LOC400499: variants seen among roughly 807,000 people sequenced by gnomAD.
chr16:11,416,299 G>A, the LOC400499 span, among the ~76,000 whole-genome samples: 2 of 152,120 alleles, frequency 1.3e-5, no homozygotes, highest in African/African-American at 2.4e-5. Context: ...CTAGGGGACT[G>A]GGGAGTCCCC....
chr16:11,486,026 G>A, the LOC400499 span, among the ~76,000 whole-genome samples: 2 of 152,052 alleles, frequency 1.3e-5, no homozygotes, highest in African/African-American at 4.8e-5. Context: ...TGGGTGGGTG[G>A]TTTGGTAAAT....
the LOC400499 span, among the ~76,000 whole-genome samples, chr16:11,408,578 T>C: frequency 3.3e-5 from 5 of 150,974 alleles, no homozygotes; most frequent in Admixed American, 6.6e-5. Flanking sequence ...AATTCTTCCA[T>C]ACCTCAGCCT....
the LOC400499 span, among the ~76,000 whole-genome samples, chr16:11,413,937 G>A: frequency 1.3e-5 from 2 of 152,188 alleles, no homozygotes; most frequent in South Asian, 4.1e-4. Flanking sequence ...ACATCGGAGA[G>A]GGCCTTGGTA....
At chr16:11,373,161 G>A in the LOC400499 span, among the ~76,000 whole-genome samples, 18 of 152,320 alleles carry the variant, frequency 1.2e-4, no homozygotes, top group Non-Finnish European at 2.2e-4. Flanking sequence ...GGAGCTCACT[G>A]TGTGGGTGAG....
the LOC400499 span, among the ~76,000 whole-genome samples, chr16:11,459,299 C>A: frequency 6.7e-6 from 1 of 149,296 alleles, no homozygotes; most frequent in Non-Finnish European, 1.5e-5. Context: ...GGGGTTCAAG[C>A]CATTCTCCTG....
chr16:11,473,777 G>GAT, the LOC400499 span, among the ~76,000 whole-genome samples: 573 of 150,144 alleles, frequency 3.8e-3, 5 homozygotes, highest in African/African-American at 0.014. Context: ...AAAGTTATGC[G>GAT]ATATGTCAAT....
chr16:11,448,849 G>A, the LOC400499 span: 2 of 1,271,246 alleles, frequency 1.6e-6, no homozygotes, highest in South Asian at 2.1e-5. Context: ...TCCGAAGCAG[G>A]GAGAGAGGTA....
chr16:11,412,800 G>C, the LOC400499 span: 5 of 398,730 alleles, frequency 1.3e-5, no homozygotes, highest in Admixed American at 8.8e-5. Flanking sequence ...CCAGTCAATG[G>C]TTCCTCCCCC....
chr16:11,470,351 A>G, the LOC400499 span, among the ~76,000 whole-genome samples: 1 of 152,336 alleles, frequency 6.6e-6, no homozygotes, highest in South Asian at 2.1e-4. Flanking sequence ...CCAGAGGGGA[A>G]CACACTCTGC....
chr16:11,430,895 A>G, the LOC400499 span: 1 of 397,044 alleles, frequency 2.5e-6, no homozygotes. Flanking sequence ...AATCATCCAT[A>G]CCCCTTTATC....
At chr16:11,387,093 G>T in the LOC400499 span, 5 of 1,232,484 alleles carry the variant, frequency 4.1e-6, no homozygotes, top group Non-Finnish European at 5.1e-6. Flanking sequence ...GGGCGGCACA[G>T]CCCGGGGCAG....
the LOC400499 span, among the ~76,000 whole-genome samples, chr16:11,464,418 G>T: frequency 6.6e-6 from 1 of 152,212 alleles, no homozygotes; most frequent in African/African-American, 2.4e-5. Flanking sequence ...GGAACACTTT[G>T]CAGTTAAAGA....
At chr16:11,455,029 C>G in the LOC400499 span, among the ~76,000 whole-genome samples, 1 of 152,022 alleles carries the variant, frequency 6.6e-6, no homozygotes, top group Non-Finnish European at 1.5e-5. Context: ...GTCTGACCAC[C>G]TGGAAAAAAG....
chr16:11,518,342 G>A, the LOC400499 span, among the ~76,000 whole-genome samples: 182 of 152,278 alleles, frequency 1.2e-3, 1 homozygote, highest in African/African-American at 4.1e-3. Context: ...TGAGGCCACC[G>A]AGGCCCTGTC....
the LOC400499 span, among the ~76,000 whole-genome samples, chr16:11,419,192 A>C: frequency 5.6e-3 from 783 of 140,406 alleles, 3 homozygotes; most frequent in African/African-American, 7.9e-3. Flanking sequence ...ACAACAACAA[A>C]AAAAATATAC....
At chr16:11,381,616 G>C in the LOC400499 span, among the ~76,000 whole-genome samples, 1 of 152,188 alleles carries the variant, frequency 6.6e-6, no homozygotes, top group Non-Finnish European at 1.5e-5. Context: ...ATGAACGTCG[G>C]TGGATCCCTT....
the LOC400499 span, chr16:11,439,610 A>G: frequency 2.5e-6 from 1 of 399,034 alleles, no homozygotes; most frequent in Non-Finnish European, 4.4e-6. Context: ...AAGAGGGGTC[A>G]GAGGGAACAG....
chr16:11,485,252 C>T, the LOC400499 span, among the ~76,000 whole-genome samples: 1 of 152,182 alleles, frequency 6.6e-6, no homozygotes, highest in Non-Finnish European at 1.5e-5. Context: ...ACCAATCTCT[C>T]TGTATCTACT....
At chr16:11,474,031 T>C in the LOC400499 span, among the ~76,000 whole-genome samples, 1 of 152,198 alleles carries the variant, frequency 6.6e-6, no homozygotes, top group Non-Finnish European at 1.5e-5. Context: ...TTTGTTAATT[T>C]TTATTTTTGT....
Sources: allele counts gnomAD v4.1 joint callset (sites outside exome capture counted in the v4.1 genomes callset), GRCh38; gene constraint gnomAD v4.1.1; transcripts MANE v1.5.